ADAM19: variants seen among roughly 807,000 people sequenced by gnomAD.
ADAM19 encodes ADAM metallopeptidase domain 19, also known as disintegrin and metalloproteinase domain-containing protein 19.
A neutral mutation model predicts 114.7 loss-of-function variants in ADAM19; 65 were observed. The observed-to-expected ratio is 0.57, with a 90% CI of 0.46 to 0.70. The LOEUF (loss-of-function observed/expected upper bound fraction) is 0.70, where lower values mean the gene tolerates loss of function less well. Among genes scored for constraint, ADAM19 ranks in the 30% least tolerant of loss-of-function variants. ADAM19 has a pLI of 0.00. For missense variants in ADAM19, 1,063 were observed against 1,204.7 expected (o/e 0.88, Z 1.74); for synonymous variants, 466 against 460.5 (o/e 1.01, Z -0.15).
Position 157,480,292 on chromosome 5 carries a change from C to T in ADAM19, c.*657G>A. 1 of 985,966 alleles carries T rather than the reference C, an allele frequency of 1.0e-6. No homozygotes were observed. Among genetic ancestry groups the T allele is most frequent in the Non-Finnish European group, 1.2e-6 (1 of 830,146 alleles). The allele number at this position is 985,966 out of a possible 1,614,324, so 61.1% of individuals were successfully genotyped here. A position where few individuals can be genotyped will look rare whatever the true frequency, so the allele number is the denominator to read the frequency against. On this transcript the variant is annotated 3_prime_UTR_variant, in exon 23 of 23. Coordinates refer to ENST00000257527, the MANE Select transcript of ADAM19 (RefSeq NM_033274.5). The stretch of plus-strand genomic sequence containing the variant: ...GTGCTCCTCCTGCTGTCTACACTGC[C>T]TACGAATAGTACCTGTCTGAGTCAG...
intron 4 of ADAM19, 49 bp downstream of exon 4, chr5:157,537,864 G>C (rs527490654): frequency 6.5e-7 from 1 of 1,529,908 alleles, no homozygotes; most frequent in Admixed American, 1.7e-5. Context: ...CTAGGAGTAG[G>C]GCTGGGAGAG....
intron 2 of ADAM19, chr5:157,568,161 C>T (rs1032210964): frequency 2.0e-5 from 3 of 152,072 alleles, no homozygotes; most frequent in Non-Finnish European, 4.4e-5. Flanking sequence ...TTTTAGTAGA[C>T]AGGGTTTCTC....
At chr5:157,516,477 C>A (rs1027149666) in intron 7 of ADAM19, among the ~76,000 whole-genome samples, 1 of 152,196 alleles carries the variant, frequency 6.6e-6, no homozygotes, top group Non-Finnish European at 1.5e-5. Context: ...CCCTGCCTCC[C>A]ACCATGCTTC....
At chr5:157,487,395 A>T (rs1436500700) in intron 21 of ADAM19, among the ~76,000 whole-genome samples, 1 of 152,184 alleles carries the variant, frequency 6.6e-6, no homozygotes, top group Non-Finnish European at 1.5e-5. Context: ...CAAAGCCTGC[A>T]GCCAACCCCA....
chr5:157,548,021 A>G (rs915670401), intron 3 of ADAM19, among the ~76,000 whole-genome samples: 4 of 151,988 alleles, frequency 2.6e-5, no homozygotes, highest in African/African-American at 9.7e-5. Context: ...TCTCTGTTCT[A>G]ACTATAGAGA....
Position 157,477,904 on chromosome 5 carries a change from T to C in ADAM19, c.*3045A>G, listed in dbSNP as rs550028194. 7.3e-5 allele frequency: 26 copies of C among 353,842 alleles called. No individual in the cohort carries two copies. The highest frequency in any genetic ancestry group is 3.6e-4 in the African/African-American group (17 of 47,028). 21.9% of individuals were successfully genotyped at this position (353,842 alleles called of 1,614,324 possible). On this transcript the variant is annotated 3_prime_UTR_variant, in exon 23 of 23. Coordinates refer to ENST00000257527, the MANE Select transcript of ADAM19 (RefSeq NM_033274.5). ...TCAGCAAGTCTCAGACCTTAAGATC[T>C]GCAAGTGTCTCAGAGCTGGGGCAGA... is the stretch of plus-strand genomic sequence containing the variant.
In ADAM19 at chr5:157,575,716, G is replaced by A. The variant is rs1033390693; in HGVS notation, c.-20C>T. 8 of 1,309,342 alleles carry A rather than the reference G, an allele frequency of 6.1e-6. No homozygotes were observed. The highest frequency in any genetic ancestry group is 8.4e-5 in the Admixed American group (2 of 23,804). 81.1% of individuals were successfully genotyped at this position (1,309,342 alleles called of 1,614,324 possible). ...TGGCATGGTGGCGGCGGCCCTTAGC[G>A]CTCGGCGCTCACACGCCCTCAGCCA... On this transcript the variant is annotated 5_prime_UTR_variant, in exon 1 of 23. Coordinates refer to ENST00000257527, the MANE Select transcript of ADAM19 (RefSeq NM_033274.5).
chr5:157,543,911 T>C (rs1473013240), intron 3 of ADAM19, among the ~76,000 whole-genome samples: 1 of 152,176 alleles, frequency 6.6e-6, no homozygotes, highest in Non-Finnish European at 1.5e-5. Flanking sequence ...GTGAGTATTG[T>C]TTTGTTTTCT....
chr5:157,480,173 A>C lies in ADAM19; in HGVS notation c.*776T>G. The C allele has an allele frequency of 1.0e-6, 1 of 986,226 alleles. No individual in the cohort carries two copies. Among genetic ancestry groups the C allele is most frequent in the Non-Finnish European group, 1.2e-6 (1 of 830,118 alleles). 61.1% of individuals were successfully genotyped at this position (986,226 alleles called of 1,614,324 possible). A position where few individuals can be genotyped will look rare whatever the true frequency, so the allele number is the denominator to read the frequency against. ...AGAGAGAAAAGCGTGGGGCACCAGG[A>C]AAGTGCGGCAGAGAAAACAAAGAGC... On this transcript the variant is annotated 3_prime_UTR_variant, in exon 23 of 23. Transcript: ENST00000257527.
chr5:157,559,575 G>C (rs958445355), intron 3 of ADAM19, among the ~76,000 whole-genome samples: 3 of 152,172 alleles, frequency 2.0e-5, no homozygotes, highest in Non-Finnish European at 4.4e-5. Context: ...ACATAACCCT[G>C]TTCATCTCCC....
chr5:157,571,688 G>C (rs1276178211), intron 1 of ADAM19, among the ~76,000 whole-genome samples: 3 of 152,138 alleles, frequency 2.0e-5, no homozygotes, highest in African/African-American at 4.8e-5. Flanking sequence ...GCGAGAGTGA[G>C]AGCAGAAGCA....
intron 3 of ADAM19, among the ~76,000 whole-genome samples, chr5:157,556,815 A>G (rs945434427): frequency 2.6e-5 from 4 of 152,224 alleles, no homozygotes; most frequent in African/African-American, 9.6e-5. Flanking sequence ...TGAGGATTCA[A>G]TAAGACATTG....
chr5:157,491,835 C>T lies in ADAM19; in HGVS notation c.1986G>A (p.Gly662=). The T allele has an allele frequency of 6.2e-7, 1 of 1,614,202 alleles. No homozygotes were observed. The highest frequency in any genetic ancestry group is 8.5e-7 in the Non-Finnish European group (1 of 1,180,036). ...EGCGKKCNGH[G]VCNNNQNCHC... ...AGAGAAGCCAGAACCCAGCACGCAC[C>T]CCATGGCCATTGCACTTCTTCCCAC... Residue 662 remains glycine (G), a splice_region_variant and synonymous_variant, in exon 17 of 23, where the codon GGG becomes GGA. Coordinates refer to ENST00000257527, the MANE Select transcript of ADAM19 (RefSeq NM_033274.5).
At chr5:157,512,172 C>T (rs1474517846) in intron 8 of ADAM19, among the ~76,000 whole-genome samples, 1 of 152,202 alleles carries the variant, frequency 6.6e-6, no homozygotes, top group African/African-American at 2.4e-5. Context: ...TCCCTAGAGT[C>T]TGTCCTTCCA....
In ADAM19 at chr5:157,575,697, G is replaced by A; in HGVS notation, c.-1C>T. On this transcript the variant is annotated 5_prime_UTR_variant, in exon 1 of 23. Transcript: ENST00000257527. ...GGGCGGCGCCTGCGCCCCCTGGCAT[G>A]GTGGCGGCGGCCCTTAGCGCTCGGC... 7.5e-7 allele frequency: 1 copy of A among 1,324,926 alleles called. No individual in the cohort carries two copies. The highest frequency in any genetic ancestry group is 2.0e-5 in the South Asian group (1 of 50,922). 82.1% of individuals were successfully genotyped at this position (1,324,926 alleles called of 1,614,324 possible). A position where few individuals can be genotyped will look rare whatever the true frequency, so the allele number is the denominator to read the frequency against.
At chr5:157,499,482 A>T in intron 13 of ADAM19, 91 bp downstream of exon 13, 1 of 1,110,462 alleles carries the variant, frequency 9.0e-7, no homozygotes, top group Non-Finnish European at 1.4e-6. Flanking sequence ...CCCAGGATGG[A>T]GGCAAATCCC....
At chr5:157,513,555 T>A in intron 7 of ADAM19, 50 bp from the exon 8 acceptor site, 6 of 1,489,062 alleles carry the variant, frequency 4.0e-6, no homozygotes, top group Admixed American at 1.7e-5. Context: ...TCTCACAGGA[T>A]GCTTCCTGCG....
intron 11 of ADAM19, among the ~76,000 whole-genome samples, chr5:157,504,153 C>T (rs1003383826): frequency 6.6e-6 from 1 of 152,146 alleles, no homozygotes; most frequent in Non-Finnish European, 1.5e-5. Context: ...TTCAGATACG[C>T]TTTTTAGATT....
At chr5:157,519,305 CT>C (rs1199383150) in intron 6 of ADAM19, among the ~76,000 whole-genome samples, 3 of 152,282 alleles carry the variant, frequency 2.0e-5, no homozygotes, top group East Asian at 1.9e-4. Context: ...GGAAAGCATA[CT>C]TTTTTTCCCC....
Sources: gnomAD v4.1 joint callset for allele counts (sites outside exome capture counted in the v4.1 genomes callset) on GRCh38, gnomAD v4.1.1 for gene constraint, MANE v1.5 for transcripts, NCBI Gene and HGNC (gene_info 2026-07-23, HGNC 2026-07-21) for gene names.